Variants in CHD9 observed in about 807,000 individuals in gnomAD.
CHD9 encodes ATP-dependent chromatin remodeler CHD9.
In CHD9, 77 loss-of-function variants were observed where a neutral mutation model predicts 316.1. The observed-to-expected ratio is 0.24, with a 90% CI of 0.20 to 0.29. The LOEUF (loss-of-function observed/expected upper bound fraction) is 0.29. CHD9 is among the 10% of genes least tolerant of loss of function. The probability of loss-of-function intolerance (pLI) is 1.00; values close to 1 mark genes in which losing one functional copy is unlikely to be tolerated. For missense variants in CHD9, 2,763 were observed against 3,438.1 expected (o/e 0.80, Z 4.91); for synonymous variants, 1,129 against 1,158.3 (o/e 0.97, Z 0.51).
rs752755789 is a variant in CHD9, at chr16:53,251,951, A to T, written c.3861+1885A>T. 7.2e-5 allele frequency among the ~76,000 whole-genome samples: 11 copies of T among 152,330 alleles called. 1 individual carries two copies. The South Asian group carries it at 1.5e-3, about 20-fold the overall frequency. ...CCCATGTTCATGGATGGGAAGACTT[A>T]ATATTGTGAAAATGCCCATACTGCC... On this transcript the variant is annotated intron_variant, in intron 17 of 38. Transcript: ENST00000447540.
At chr16:53,055,830 C>A (rs2152487251) in intron 1 of CHD9, among the ~76,000 whole-genome samples, 1 of 152,230 alleles carries the variant, frequency 6.6e-6, no homozygotes, top group South Asian at 2.1e-4. Context: ...CGAAAGTGGA[C>A]AAGGAACAGA....
intron 5 of CHD9, 135 bp downstream of exon 5, chr16:53,226,647 T>C (rs1597514745): frequency 2.1e-6 from 2 of 958,046 alleles, no homozygotes; most frequent in South Asian, 3.3e-5. Flanking sequence ...AATTGAGTCA[T>C]TCAAATTAGA....
intron 15 of CHD9, 106 bp from the exon 16 acceptor site, chr16:53,247,187 T>C (rs747109361): frequency 1.6e-4 from 123 of 762,532 alleles, no homozygotes; most frequent in Non-Finnish European, 2.3e-4. Context: ...CATTAGAAAA[T>C]TATGTTACAG....
intron 20 of CHD9, among the ~76,000 whole-genome samples, chr16:53,264,445 T>G (rs1361007538): frequency 6.6e-6 from 1 of 151,968 alleles, no homozygotes; most frequent in Non-Finnish European, 1.5e-5. Context: ...TAAAAAATAA[T>G]AAGAATGGAC....
chr16:53,071,594 A>T (rs2034055234), intron 1 of CHD9, among the ~76,000 whole-genome samples: 1 of 152,160 alleles, frequency 6.6e-6, no homozygotes, highest in South Asian at 2.1e-4. Context: ...CCAGAAAGTG[A>T]TTCTGAGAAC....
intron 2 of CHD9, among the ~76,000 whole-genome samples, chr16:53,161,699 GA>G (rs1567401930): frequency 1.3e-5 from 2 of 152,132 alleles, no homozygotes; most frequent in Non-Finnish European, 2.9e-5. Context: ...TAGAATTCTA[GA>G]ACGCTTTAGT....
chr16:53,288,154 C>G, intron 27 of CHD9, 140 bp downstream of exon 27: 1 of 646,178 alleles, frequency 1.5e-6, no homozygotes, highest in South Asian at 1.9e-5. Flanking sequence ...AAGTGATCAA[C>G]TTGGGTTGAC....
chr16:53,223,395 T>C (rs2047405958), intron 4 of CHD9: 1 of 152,306 alleles, frequency 6.6e-6, no homozygotes, highest in African/African-American at 2.4e-5. Context: ...GTGGTGGCAG[T>C]TGTGAATTAT....
intron 3 of CHD9, among the ~76,000 whole-genome samples, chr16:53,221,723 G>T (rs1367050803): frequency 1.3e-5 from 2 of 152,040 alleles, no homozygotes; most frequent in Non-Finnish European, 2.9e-5. Context: ...AAAAATAATA[G>T]TTCTTATGCT....
At chr16:53,077,495 G>GT (rs1397213821) in intron 1 of CHD9, among the ~76,000 whole-genome samples, 1 of 150,996 alleles carries the variant, frequency 6.6e-6, no homozygotes, top group Non-Finnish European at 1.5e-5. Flanking sequence ...AGTTAATTTT[G>GT]TTTTTGTATT....
At chr16:53,079,344 G>A (rs1190328622) in intron 1 of CHD9, among the ~76,000 whole-genome samples, 1 of 152,188 alleles carries the variant, frequency 6.6e-6, no homozygotes, top group African/African-American at 2.4e-5. Flanking sequence ...CTCACACAAT[G>A]TTTGTTGGAT....
At chr16:53,295,785 A>G (rs562291206) in intron 29 of CHD9, among the ~76,000 whole-genome samples, 4 of 152,230 alleles carry the variant, frequency 2.6e-5, no homozygotes, top group Admixed American at 2.6e-4. Flanking sequence ...CCTGTCCCAT[A>G]TGTTTTTTCT....
At chr16:53,304,790 G>A (rs1347807229) in intron 31 of CHD9, among the ~76,000 whole-genome samples, 165 bp downstream of exon 31, 1 of 149,400 alleles carries the variant, frequency 6.7e-6, no homozygotes, top group Non-Finnish European at 1.5e-5. Context: ...CACCTCCTGG[G>A]TTCAAGCGAC....
intron 1 of CHD9, among the ~76,000 whole-genome samples, chr16:53,072,341 G>C (rs2034145991): frequency 6.7e-6 from 1 of 149,874 alleles, no homozygotes; most frequent in Admixed American, 6.6e-5. Context: ...TTTATAATTG[G>C]GATCCCTGCA....
chr16:53,268,941 C>A (rs1326657970), intron 22 of CHD9, among the ~76,000 whole-genome samples: 1 of 151,932 alleles, frequency 6.6e-6, no homozygotes, highest in Non-Finnish European at 1.5e-5. Context: ...TAGCTGGGAC[C>A]ACAAGCATGT....
intron 1 of CHD9, among the ~76,000 whole-genome samples, chr16:53,087,066 C>T (rs1278621220): frequency 2.0e-5 from 3 of 152,242 alleles, no homozygotes; most frequent in Admixed American, 2.0e-4. Context: ...GATAGTAGCT[C>T]AGGTTGTAAG....
At chr16:53,249,828 T>C in intron 16 of CHD9, 43 bp from the exon 17 acceptor site, 1 of 1,441,804 alleles carries the variant, frequency 6.9e-7, no homozygotes, top group Non-Finnish European at 9.8e-7. Flanking sequence ...TCTTCAGTTT[T>C]ATTATACTTA....
chr16:53,107,829 A>G (rs2037490977), intron 1 of CHD9, among the ~76,000 whole-genome samples: 1 of 152,244 alleles, frequency 6.6e-6, no homozygotes, highest in Non-Finnish European at 1.5e-5. Flanking sequence ...CAATGAACAA[A>G]CAGAAATTCT....
intron 1 of CHD9, among the ~76,000 whole-genome samples, chr16:53,063,477 C>T (rs1000945237): frequency 6.6e-6 from 1 of 151,916 alleles, no homozygotes; most frequent in African/African-American, 2.4e-5. Context: ...TTTTCTGTCT[C>T]CCTGTATCTA....
Sources: gnomAD v4.1 joint callset for allele counts (sites outside exome capture counted in the v4.1 genomes callset) on GRCh38, gnomAD v4.1.1 for gene constraint, MANE v1.5 for transcripts, NCBI Gene and HGNC (gene_info 2026-07-23, HGNC 2026-07-21) for gene names.